The following CLVS1 variants were observed in gnomAD, a reference collection of about 807,000 sequenced individuals.
The protein encoded by CLVS1 is clavesin-1.
A neutral mutation model predicts 33.1 loss-of-function variants in CLVS1; 10 were observed. The observed-to-expected ratio is 0.30, with a 90% CI of 0.19 to 0.51. The LOEUF (loss-of-function observed/expected upper bound fraction) is 0.51, where lower values mean the gene tolerates loss of function less well. CLVS1 is among the 20% of genes least tolerant of loss of function. The probability of loss-of-function intolerance (pLI) is 0.97; values close to 1 mark genes in which losing one functional copy is unlikely to be tolerated. For missense variants in CLVS1, 343 were observed against 433.4 expected, an observed-to-expected ratio of 0.79 and a Z score of 1.85; for synonymous variants, 163 against 166.1, an observed-to-expected ratio of 0.98 and a Z score of 0.14.
chr8:61,060,118 A>G (rs934664118), intron 1 of CLVS1, among the ~76,000 whole-genome samples: 10 of 152,122 alleles, frequency 6.6e-5, no homozygotes, highest in Admixed American at 3.9e-4. Flanking sequence ...ATCTTTTAAA[A>G]AAGTTTTGGA....
the CLVS1 span, among the ~76,000 whole-genome samples, chr8:60,993,153 G>C: frequency 6.6e-6 from 1 of 152,232 alleles, no homozygotes; most frequent in African/African-American, 2.4e-5. Context: ...ACCACAAGTG[G>C]TGTACAGATG....
chr8:61,077,356 C>T (rs1804933562), intron 1 of CLVS1, among the ~76,000 whole-genome samples: 1 of 151,866 alleles, frequency 6.6e-6, no homozygotes, highest in Non-Finnish European at 1.5e-5. Context: ...CAGGCGTGAG[C>T]CACTGCGCCC....
the CLVS1 span, among the ~76,000 whole-genome samples, chr8:61,042,609 C>T: frequency 9.7e-6 from 1 of 103,180 alleles, no homozygotes; most frequent in Non-Finnish European, 1.8e-5. Context: ...GGGATTTCAT[C>T]ATATGAATTC....
At chr8:61,412,963 G>T (rs1013489818) in intron 3 of CLVS1, among the ~76,000 whole-genome samples, 2 of 152,116 alleles carry the variant, frequency 1.3e-5, no homozygotes, top group African/African-American at 2.4e-5. Flanking sequence ...GCTAATAATG[G>T]ATGCTTATTT....
rs192858552 is a variant in CLVS1, at chr8:61,075,280, A to T, written c.-243+18050A>T. Among the ~76,000 whole-genome samples the T allele has an allele frequency of 2.2e-4, 33 of 152,318 alleles. No individual in the cohort carries two copies. The East Asian group carries it at 5.8e-3, about 27-fold the overall frequency. On this transcript the variant is annotated intron_variant, in intron 1 of 2. Transcript: ENST00000522621. ...AGATCATTCTCCCCAGAGGCCATTC[A>T]TTTCTCTACAGCTGAAAGAGCAATG...
chr8:61,356,446 T>C (rs1812711733), intron 2 of CLVS1, among the ~76,000 whole-genome samples: 1 of 151,738 alleles, frequency 6.6e-6, no homozygotes, highest in Non-Finnish European at 1.5e-5. Flanking sequence ...ATTTTGGCTT[T>C]TGTTGCCATT....
At chr8:61,099,124 A>G (rs6471921) in intron 1 of CLVS1, among the ~76,000 whole-genome samples, 33,707 of 152,066 alleles carry the variant, frequency 0.22, 4,020 homozygotes, top group Admixed American at 0.32. Flanking sequence ...AGAAGAGCTA[A>G]CATCTGTCTT....
chr8:61,384,433 A>G (rs1056601325), intron 3 of CLVS1, among the ~76,000 whole-genome samples: 2 of 152,204 alleles, frequency 1.3e-5, no homozygotes, highest in African/African-American at 4.8e-5. Context: ...AAGCATCTGA[A>G]CTAGGAGTGA....
At chr8:61,273,303 G>C (rs576907356) in intron 2 of CLVS1, among the ~76,000 whole-genome samples, 4 of 152,252 alleles carry the variant, frequency 2.6e-5, no homozygotes, top group African/African-American at 7.2e-5. Context: ...TAGGTTGCTC[G>C]GGGGTCAGGG....
At chr8:61,043,764 C>T in the CLVS1 span, among the ~76,000 whole-genome samples, 338 of 152,284 alleles carry the variant, frequency 2.2e-3, 3 homozygotes, top group East Asian at 0.011. Flanking sequence ...ATGATAGGTA[C>T]TCTAGATGCC....
intron 5 of CLVS1, among the ~76,000 whole-genome samples, chr8:61,480,422 C>T (rs1818142124): frequency 6.6e-6 from 1 of 152,186 alleles, no homozygotes; most frequent in Non-Finnish European, 1.5e-5. Context: ...GTTTGTTAAG[C>T]CCATTGGAAA....
At chr8:61,272,249 A>G (rs1405469672) in intron 2 of CLVS1, among the ~76,000 whole-genome samples, 1 of 152,050 alleles carries the variant, frequency 6.6e-6, no homozygotes, top group Admixed American at 6.6e-5. Context: ...TCCTTCACTT[A>G]TGAAGCTTAG....
intron 5 of CLVS1, among the ~76,000 whole-genome samples, chr8:61,474,355 G>A (rs567108493): frequency 6.6e-6 from 1 of 152,330 alleles, no homozygotes; most frequent in East Asian, 1.9e-4. Flanking sequence ...CTGTGGTGGA[G>A]TCACATGGGT....
At chr8:61,025,681 G>T in the CLVS1 span, among the ~76,000 whole-genome samples, 5 of 152,158 alleles carry the variant, frequency 3.3e-5, no homozygotes, top group Admixed American at 2.6e-4. Context: ...GGTCACTTTT[G>T]TTATAGATTT....
At chr8:60,988,808 G>A in the CLVS1 span, among the ~76,000 whole-genome samples, 3 of 152,298 alleles carry the variant, frequency 2.0e-5, no homozygotes, top group South Asian at 6.2e-4. Context: ...AAAGAATGTA[G>A]GGAAACATGT....
intron 5 of CLVS1, among the ~76,000 whole-genome samples, chr8:61,478,917 C>T (rs1818068565): frequency 6.6e-6 from 1 of 152,226 alleles, no homozygotes; most frequent in Admixed American, 6.5e-5. Context: ...CCCCCACTCT[C>T]TTCTGGCTTG....
chr8:61,447,035 C>T (rs373698288), intron 3 of CLVS1, among the ~76,000 whole-genome samples: 29 of 152,058 alleles, frequency 1.9e-4, no homozygotes, highest in Middle Eastern at 6.8e-3. Flanking sequence ...GTTCTATGTG[C>T]ACTTGAAAAA....
At chr8:61,013,507 C>A in the CLVS1 span, among the ~76,000 whole-genome samples, 4 of 152,196 alleles carry the variant, frequency 2.6e-5, no homozygotes, top group South Asian at 6.2e-4. Context: ...CATTTTCTTT[C>A]CAGATTTTCA....
chr8:61,365,906 C>T (rs1413110293), intron 2 of CLVS1, among the ~76,000 whole-genome samples: 1 of 152,028 alleles, frequency 6.6e-6, no homozygotes, highest in East Asian at 1.9e-4. Context: ...CTGGTGTAAA[C>T]CTTGACTGAA....
Sources: allele counts gnomAD v4.1 joint callset (sites outside exome capture counted in the v4.1 genomes callset), GRCh38; gene constraint gnomAD v4.1.1; transcripts MANE v1.5; gene names NCBI Gene and HGNC (gene_info 2026-07-23, HGNC 2026-07-21).